The following RYR2 variants were observed in gnomAD, a reference collection of about 807,000 sequenced individuals.
RYR2 encodes ryanodine receptor 2.
Under a neutral mutation model 601.1 loss-of-function variants are expected in RYR2, and 227 were observed. The ratio of observed to expected loss-of-function variants is 0.38; its 90% confidence interval spans 0.34 to 0.42. The LOEUF is 0.42. Ranked by LOEUF, RYR2 falls within the 10% of genes least tolerant of loss-of-function variation. The probability of loss-of-function intolerance (pLI) is 1.00; values close to 1 mark genes in which losing one functional copy is unlikely to be tolerated. For synonymous variants in RYR2, 2,223 were observed against 2,175.1 expected (o/e 1.02, Z -0.61); for missense variants, 4,646 against 6,156.5 (o/e 0.75, Z 8.21).
intron 1 of RYR2, among the ~76,000 whole-genome samples, chr1:237,053,801 G>A (rs1414370344): frequency 6.6e-6 from 1 of 152,168 alleles, no homozygotes; most frequent in Non-Finnish European, 1.5e-5. Flanking sequence ...AGGATGTTGA[G>A]GAGGGAGGGA....
chr1:237,091,723 C>G (rs1240618971), intron 1 of RYR2, among the ~76,000 whole-genome samples: 2 of 152,218 alleles, frequency 1.3e-5, no homozygotes, highest in Non-Finnish European at 2.9e-5. Context: ...CTGCACCTGA[C>G]CCAGGGACGG....
At chr1:237,209,567 A>G (rs1682340557) in intron 1 of RYR2, among the ~76,000 whole-genome samples, 2 of 150,012 alleles carry the variant, frequency 1.3e-5, no homozygotes, top group Admixed American at 1.3e-4. Context: ...AAAATGCCAG[A>G]GAGGGCTGGG....
intron 62 of RYR2, among the ~76,000 whole-genome samples, chr1:237,683,195 T>C (rs1186715844): frequency 6.6e-6 from 1 of 152,356 alleles, no homozygotes; most frequent in Non-Finnish European, 1.5e-5. Context: ...ATAAACACTA[T>C]GATAATGGTT....
At chr1:237,528,402 G>A (rs1182922053) in intron 24 of RYR2, among the ~76,000 whole-genome samples, 1 of 152,142 alleles carries the variant, frequency 6.6e-6, no homozygotes, top group East Asian at 1.9e-4. Context: ...TATCTGTGGG[G>A]TTCAGGCATC....
intron 16 of RYR2, among the ~76,000 whole-genome samples, chr1:237,461,461 G>C (rs1483337473): frequency 1.1e-4 from 16 of 152,078 alleles, no homozygotes; most frequent in Admixed American, 1.0e-3. Context: ...CCAGCAACCA[G>C]ATGTTGCTGG....
intron 1 of RYR2, among the ~76,000 whole-genome samples, chr1:237,238,781 G>A (rs1446643117): frequency 6.6e-6 from 1 of 152,202 alleles, no homozygotes. Flanking sequence ...ATGGACCTTT[G>A]CAGTTAGTGG....
chr1:237,657,340 T>A (rs1001981778), intron 53 of RYR2, among the ~76,000 whole-genome samples: 1 of 152,040 alleles, frequency 6.6e-6, no homozygotes, highest in East Asian at 1.9e-4. Flanking sequence ...GAATTATGTA[T>A]GTATGTATAT....
At chr1:237,651,754 C>T (rs1682753743) in intron 51 of RYR2, among the ~76,000 whole-genome samples, 1 of 152,100 alleles carries the variant, frequency 6.6e-6, no homozygotes, top group Non-Finnish European at 1.5e-5. Context: ...AAAAGGACCA[C>T]AGGCCGGGCG....
Position 237,579,938 on chromosome 1 carries a change from G to A in RYR2, c.3599-9855G>A, listed in dbSNP as rs549823998. 7.2e-5 allele frequency among the ~76,000 whole-genome samples: 11 copies of A among 152,142 alleles called. No individual in the cohort carries two copies. In the South Asian group the frequency reaches 2.3e-3, roughly 32 times the overall value. On this transcript the variant is annotated intron_variant, in intron 29 of 104. Coordinates refer to ENST00000366574, the MANE Select transcript of RYR2 (RefSeq NM_001035.3). ...GTTGGAAAAAAACAATAAAGACAAA[G>A]GAATGTCAGTGAAGAAACGCAGATG...
intron 35 of RYR2, among the ~76,000 whole-genome samples, chr1:237,608,796 G>GTTTT (rs33945891): frequency 1.7e-5 from 2 of 119,206 alleles, no homozygotes; most frequent in Admixed American, 9.2e-5. Flanking sequence ...AGACTGACCT[G>GTTTT]TTTTTTTTTT....
At chr1:237,796,911 A>G (rs1017005492) in intron 96 of RYR2, among the ~76,000 whole-genome samples, 4 of 152,010 alleles carry the variant, frequency 2.6e-5, no homozygotes, top group Non-Finnish European at 4.4e-5. Context: ...CAGTCTCCCA[A>G]GTAGCTGGGA....
intron 1 of RYR2, among the ~76,000 whole-genome samples, chr1:237,096,180 G>A (rs1297547151): frequency 6.6e-6 from 1 of 152,164 alleles, no homozygotes; most frequent in Non-Finnish European, 1.5e-5. Context: ...AACAGAAGAG[G>A]CCTGACGTTA....
At chr1:237,202,799 T>C (rs1681343575) in intron 1 of RYR2, among the ~76,000 whole-genome samples, 1 of 152,196 alleles carries the variant, frequency 6.6e-6, no homozygotes, top group Admixed American at 6.5e-5. Context: ...AGCATGCTTC[T>C]TCCTCAGCCG....
chr1:237,322,875 A>C (rs896248693), intron 2 of RYR2, among the ~76,000 whole-genome samples: 5 of 151,424 alleles, frequency 3.3e-5, no homozygotes, highest in African/African-American at 1.2e-4. Flanking sequence ...AAAAAAAAAA[A>C]CCTTTTTTGA....
chr1:237,306,163 T>C (rs1693842774), intron 2 of RYR2, among the ~76,000 whole-genome samples: 1 of 152,238 alleles, frequency 6.6e-6, no homozygotes, highest in African/African-American at 2.4e-5. Flanking sequence ...GATTATTAAA[T>C]AATCATATAG....
chr1:237,507,138 G>T (rs1405315824), intron 23 of RYR2, among the ~76,000 whole-genome samples: 1 of 152,180 alleles, frequency 6.6e-6, no homozygotes, highest in Admixed American at 6.5e-5. Flanking sequence ...CCACTTAAAA[G>T]ATCTCAGTGA....
At chr1:237,132,296 G>A (rs1672249635) in intron 1 of RYR2, among the ~76,000 whole-genome samples, 1 of 152,202 alleles carries the variant, frequency 6.6e-6, no homozygotes, top group Admixed American at 6.5e-5. Flanking sequence ...CATCTTGGAG[G>A]AAGATCCTCC....
At chr1:237,133,167 C>T (rs866987202) in intron 1 of RYR2, among the ~76,000 whole-genome samples, 6 of 151,926 alleles carry the variant, frequency 3.9e-5, no homozygotes, top group African/African-American at 1.2e-4. Flanking sequence ...ACAGGACTTC[C>T]GAGAATGTAA....
At chr1:237,321,494 G>A (rs534403640) in intron 2 of RYR2, among the ~76,000 whole-genome samples, 2 of 152,172 alleles carry the variant, frequency 1.3e-5, no homozygotes, top group Non-Finnish European at 2.9e-5. Flanking sequence ...ACACAACTTA[G>A]GAAAGTGGGC....
Sources: gnomAD v4.1 joint callset for allele counts (sites outside exome capture counted in the v4.1 genomes callset) on GRCh38, gnomAD v4.1.1 for gene constraint, MANE v1.5 for transcripts, NCBI Gene and HGNC (gene_info 2026-07-23, HGNC 2026-07-21) for gene names.